ASPHD1: variants seen among roughly 807,000 people sequenced by gnomAD.
ASPHD1 encodes the protein aspartate beta-hydroxylase domain-containing protein 1.
Under a neutral mutation model 28.3 loss-of-function variants are expected in ASPHD1, and 20 were observed. That is an observed-to-expected ratio of 0.71 (90% confidence interval 0.50 to 1.03). The LOEUF (loss-of-function observed/expected upper bound fraction) is 1.03, where lower values mean the gene tolerates loss of function less well. Among genes scored for constraint, ASPHD1 ranks in the 50% least tolerant of loss-of-function variants. ASPHD1 has a pLI of 0.00. For missense variants in ASPHD1, 479 were observed against 524.1 expected (o/e 0.91, Z 0.84); for synonymous variants, 240 against 221.2 (o/e 1.08, Z -0.75).
In ASPHD1 at chr16:29,901,998, C is replaced by G. The variant is rs2150828044; in HGVS notation, c.949+78C>G. 8.3e-7 allele frequency: 1 copy of G among 1,199,538 alleles called. No homozygotes were observed. Among genetic ancestry groups the G allele is most frequent in the African/African-American group, 1.6e-5 (1 of 62,776 alleles). 74.3% of individuals were successfully genotyped at this position (1,199,538 alleles called of 1,614,324 possible). On this transcript the variant is annotated intron_variant, in intron 1 of 2. Transcript: ENST00000308748. This position sits in a 1 kb window ranked among gnomAD's most constrained non-coding sequence, Gnocchi z 5.1. ...AGACCCTTCTCTCCGCCAGAGCCGT[C>G]TGCTGTCTGGTTCTCATTGTGCCTC...
At chr16:29,911,727 C>A in intron 3 of ASPHD1, 1 of 1,410,868 alleles carries the variant, frequency 7.1e-7, no homozygotes, top group East Asian at 2.3e-5. Context: ...TGTAGGCCCC[C>A]CGTGTGGCCG....
intron 3 of ASPHD1, chr16:29,915,481 A>T (rs1380736530): frequency 6.6e-6 from 1 of 152,062 alleles, no homozygotes; most frequent in East Asian, 1.9e-4. Context: ...GTGAAACCCC[A>T]TCTCTACTAA....
At chr16:29,908,363 T>C (rs2068648923), downstream of ASPHD1, among the ~76,000 whole-genome samples, 1 of 152,102 alleles carries the variant, frequency 6.6e-6, no homozygotes, top group Non-Finnish European at 1.5e-5. Context: ...CTTAGCAAAC[T>C]GTTTTTTTAA....
intron 3 of ASPHD1, among the ~76,000 whole-genome samples, chr16:29,916,691 C>CT (rs2150840206): frequency 6.6e-6 from 1 of 152,300 alleles, no homozygotes; most frequent in East Asian, 1.9e-4. Flanking sequence ...GAGCAAGACT[C>CT]TGTCTCTATT....
At chr16:29,917,289 C>T (rs2068826476) in intron 3 of ASPHD1, among the ~76,000 whole-genome samples, 1 of 152,106 alleles carries the variant, frequency 6.6e-6, no homozygotes, top group Non-Finnish European at 1.5e-5. Context: ...AATCCCTTCA[C>T]AATCATATTT....
At chr16:29,916,253 TTTTTC>T (rs2068807200) in intron 3 of ASPHD1, among the ~76,000 whole-genome samples, 1 of 152,150 alleles carries the variant, frequency 6.6e-6, no homozygotes, top group Admixed American at 6.5e-5. Flanking sequence ...TTTCTCACCT[TTTTTC>T]TTTTAATTTT....
At chr16:29,911,655 A>G in intron 3 of ASPHD1, 1 of 673,272 alleles carries the variant, frequency 1.5e-6, no homozygotes, top group Non-Finnish European at 2.5e-6. Context: ...AGCAGAAAGG[A>G]CCTGCCTAGA....
At chr16:29,905,107 T>TA (rs1383787048) in intron 2 of ASPHD1, 142 bp downstream of exon 2, 2 of 602,540 alleles carry the variant, frequency 3.3e-6, no homozygotes, top group Non-Finnish European at 5.8e-6. Context: ...ACAAGCCGCA[T>TA]AACTTCTCCA....
chr16:29,911,339 A>G (rs1161546216), intron 3 of ASPHD1: 1 of 621,412 alleles, frequency 1.6e-6, no homozygotes, highest in East Asian at 2.7e-5. Flanking sequence ...GGGTCTCAGA[A>G]GGGAAGCCAC....
chr16:29,907,032 G>A (rs2068625670), downstream of ASPHD1: 5 of 1,614,140 alleles, frequency 3.1e-6, no homozygotes, highest in Non-Finnish European at 8.5e-7. Context: ...CAGGAGGGCT[G>A]GGTCTGGGCC....
At position 29,901,940 on chromosome 16, in the gene ASPHD1, T is replaced by C. The variant is rs764413428; in HGVS notation, c.949+20T>C. On this transcript the variant is annotated intron_variant, in intron 1 of 2. Transcript: ENST00000308748. This position sits in a 1 kb window ranked among gnomAD's most constrained non-coding sequence, Gnocchi z 5.1. ...ATCTGGGTAAGTAGCTGCCGCCTAC[T>C]GACAACCTCCTTGCCTCGATGATTT... The C allele has an allele frequency of 4.8e-6, 7 of 1,454,472 alleles. No homozygotes were observed. The East Asian group carries it at 1.8e-4, about 38-fold the overall frequency. 90.1% of individuals were successfully genotyped at this position (1,454,472 alleles called of 1,614,324 possible). A position where few individuals can be genotyped will look rare whatever the true frequency, so the allele number is the denominator to read the frequency against.
intron 1 of ASPHD1, among the ~76,000 whole-genome samples, chr16:29,902,762 G>A (rs560805637): frequency 2.5e-4 from 38 of 151,876 alleles, no homozygotes; most frequent in Admixed American, 5.2e-4. Flanking sequence ...TGATCAATCC[G>A]CCTCGGCCTC....
In ASPHD1 at chr16:29,916,241, A is replaced by G. The variant is rs888940160; in HGVS notation, c.*63-3290A>G. Among the ~76,000 whole-genome samples the G allele has an allele frequency of 2.0e-5, 3 of 152,214 alleles. No homozygotes were observed. The East Asian group carries it at 5.8e-4, about 29-fold the overall frequency. On this transcript the variant is annotated intron_variant and NMD_transcript_variant, in intron 3 of 3. Coordinates refer to the ASPHD1 transcript ENST00000414952. ...AAGGTCACTGGACTCTTATTAACAG[A>G]CTTTCTCACCTTTTTTCTTTTAATT...
At chr16:29,909,606 C>G (rs1357571334), downstream of ASPHD1, among the ~76,000 whole-genome samples, 1 of 151,930 alleles carries the variant, frequency 6.6e-6, no homozygotes, top group Non-Finnish European at 1.5e-5. Flanking sequence ...TCAGGATCTA[C>G]AAACTCAGAG....
In ASPHD1 at chr16:29,905,019, G is replaced by A. The variant is rs982019702; in HGVS notation, c.1063+54G>A. On this transcript the variant is annotated intron_variant, in intron 2 of 2. Coordinates refer to ENST00000308748, the MANE Select transcript of ASPHD1 (RefSeq NM_181718.4). The stretch of plus-strand genomic sequence containing the variant: ...ATGAGGGACTCAGGAGCAAAGGAGC[G>A]TTGACTAGAAGGCAGCAGAATCAGG... 1.9e-5 allele frequency: 26 copies of A among 1,365,150 alleles called. No individual in the cohort carries two copies. The East Asian group carries it at 2.8e-4, about 15-fold the overall frequency. The allele number at this position is 1,365,150 out of a possible 1,614,324, so 84.6% of individuals were successfully genotyped here.
chr16:29,901,438 G>A lies in ASPHD1; in HGVS notation c.467G>A (p.Arg156His). The A allele has an allele frequency of 6.2e-7, 1 of 1,603,594 alleles. No individual in the cohort carries two copies. The highest frequency in any genetic ancestry group is 8.5e-7 in the Non-Finnish European group (1 of 1,176,408). The change falls in exon 1 of 3, where the codon CGC (arginine) becomes CAC (histidine). Residue 156 changes from arginine to histidine, a missense_variant. Transcript: ENST00000308748. The surrounding 1 kb of genome is among the most constrained non-coding windows in gnomAD (Gnocchi z 5.1). ...VSRRLRAYAR[R>H]YSWAGMGRVR... Reference sequence around the variant, plus strand: ...CGGCGGCTTCGGGCCTACGCAAGGCGCTACTCCTGGGCTGGGATGGGTAGA... The same window carrying A: ...CGGCGGCTTCGGGCCTACGCAAGGCACTACTCCTGGGCTGGGATGGGTAGA...
In ASPHD1 at chr16:29,900,908, G is replaced by A. The variant is rs1173671540; in HGVS notation, c.-64G>A. 2.8e-6 allele frequency: 4 copies of A among 1,436,716 alleles called. No homozygotes were observed. The highest frequency in any genetic ancestry group is 2.0e-5 in the Admixed American group (1 of 49,378). The allele number at this position is 1,436,716 out of a possible 1,614,324, so 89.0% of individuals were successfully genotyped here. On this transcript the variant is annotated 5_prime_UTR_variant, in exon 1 of 3. Transcript: ENST00000308748. ...AGGGTGAGGAGGCGACAGAGGGAGA[G>A]GAGGAAGAAGAGGTAGAAGGAGAGA...
At chr16:29,906,220 G>C (rs369546970), downstream of ASPHD1, 24 of 192,398 alleles carry the variant, frequency 1.2e-4, no homozygotes, top group East Asian at 3.5e-3. Context: ...CTGGGCTCAA[G>C]TGATCCTTCT....
rs1272110594 is a variant in ASPHD1, at chr16:29,900,804, G to C, written c.-168G>C. Reference sequence around the variant, plus strand: ...GGAGAGAGAGCGAGCGAAAAGCGGGGGTGGGGAGGAAAGGGGGAGATTGAG... The same window carrying C: ...GGAGAGAGAGCGAGCGAAAAGCGGGCGTGGGGAGGAAAGGGGGAGATTGAG... On this transcript the variant is annotated 5_prime_UTR_variant, in exon 1 of 3. Coordinates refer to ENST00000308748, the MANE Select transcript of ASPHD1 (RefSeq NM_181718.4). 1.5e-6 allele frequency: 1 copy of C among 658,206 alleles called. No homozygotes were observed. The highest frequency in any genetic ancestry group is 1.8e-5 in the African/African-American group (1 of 54,584). 40.8% of individuals were successfully genotyped at this position (658,206 alleles called of 1,614,324 possible). A position where few individuals can be genotyped will look rare whatever the true frequency, so the allele number is the denominator to read the frequency against.
Sources: gnomAD v4.1 joint callset for allele counts (sites outside exome capture counted in the v4.1 genomes callset) on GRCh38, gnomAD v4.1.1 for gene constraint, Gnocchi (gnomAD v3.1) non-coding constraint, MANE v1.5 for transcripts, NCBI Gene and HGNC (gene_info 2026-07-23, HGNC 2026-07-21) for gene names.